The following CCDC171 variants were observed in gnomAD, a reference collection of about 807,000 sequenced individuals.
CCDC171 encodes the protein coiled-coil domain-containing protein 171.
Under a neutral mutation model 168.2 loss-of-function variants are expected in CCDC171, and 177 were observed. The ratio of observed to expected loss-of-function variants is 1.05; its 90% CI spans 0.93 to 1.19. The LOEUF is 1.19. Ranked by LOEUF, CCDC171 falls within the 50% of genes most tolerant of loss-of-function variation. The pLI, the probability that CCDC171 is intolerant of heterozygous loss-of-function variation, is 0.00. For missense variants in CCDC171, 1,991 were observed against 1,539.0 expected, an observed-to-expected ratio of 1.29 and a Z score of -4.91; for synonymous variants, 687 against 540.8, an observed-to-expected ratio of 1.27 and a Z score of -3.75.
At chr9:15,854,998 T>A (rs75451196) in intron 23 of CCDC171, among the ~76,000 whole-genome samples, 3,376 of 151,818 alleles carry the variant, frequency 0.022, 149 homozygotes, top group African/African-American at 0.078. Context: ...TATGCTCCAA[T>A]ATATGGTCTG....
chr9:15,740,279 C>T (rs1323173718), intron 16 of CCDC171, among the ~76,000 whole-genome samples: 1 of 152,078 alleles, frequency 6.6e-6, no homozygotes, highest in East Asian at 1.9e-4. Context: ...CCAGTTATTT[C>T]ACCACCATTT....
chr9:15,944,988 G>C (rs1043317391), intron 25 of CCDC171, among the ~76,000 whole-genome samples: 4 of 151,618 alleles, frequency 2.6e-5, no homozygotes, highest in Non-Finnish European at 4.4e-5. Flanking sequence ...CCACTAACTC[G>C]TCATCTAGCA....
intron 1 of CCDC171, among the ~76,000 whole-genome samples, chr9:16,052,576 A>G (rs1389531059): frequency 6.6e-6 from 1 of 152,168 alleles, no homozygotes; most frequent in East Asian, 1.9e-4. Context: ...TTCCAGCTTT[A>G]AAATAAAATT....
At chr9:15,561,307 A>G (rs561561935) in intron 1 of CCDC171, among the ~76,000 whole-genome samples, 1 of 152,296 alleles carries the variant, frequency 6.6e-6, no homozygotes, top group Admixed American at 6.5e-5. Context: ...ACTTTGTATC[A>G]TATAGTTTGT....
At chr9:15,892,491 A>T (rs1820352241) in intron 24 of CCDC171, among the ~76,000 whole-genome samples, 1 of 152,102 alleles carries the variant, frequency 6.6e-6, no homozygotes. Flanking sequence ...TGTTTAGTTT[A>T]TGTGATGAAT....
chr9:15,988,699 C>T (rs4442245), intron 3 of CCDC171, among the ~76,000 whole-genome samples: 75,022 of 151,870 alleles, frequency 0.49, 19,885 homozygotes, highest in African/African-American at 0.7. Context: ...CTGTGACAGA[C>T]GGCACATGGA....
rs556049423 is a variant in CCDC171 at position 15,817,179 on chromosome 9, C to T, written c.3268-29523C>T. ...AACAAATCAAAACCAAGAACCTTTG[C>T]CAGTGTGACAGATAAGAAAAGGTGT... On this transcript the variant is annotated intron_variant, in intron 21 of 25. Coordinates refer to ENST00000380701, the MANE Select transcript of CCDC171 (RefSeq NM_173550.4). 2.5e-5 allele frequency among the ~76,000 whole-genome samples: 3 copies of T among 117,928 alleles called. 1 individual carries two copies. In the South Asian group the frequency reaches 8.4e-4, roughly 33 times the overall value. The allele number at this position is 117,928 out of a possible 152,430, so 77.4% of individuals were successfully genotyped here. A position where few individuals can be genotyped will look rare whatever the true frequency, so the allele number is the denominator to read the frequency against.
intron 3 of CCDC171, among the ~76,000 whole-genome samples, chr9:15,997,234 A>G (rs1276277418): frequency 6.6e-6 from 1 of 152,136 alleles, no homozygotes; most frequent in African/African-American, 2.4e-5. Flanking sequence ...GTAAAGCCAA[A>G]CCAACATGGA....
chr9:15,656,177 G>A (rs1014890430), intron 7 of CCDC171, among the ~76,000 whole-genome samples: 1 of 152,026 alleles, frequency 6.6e-6, no homozygotes, highest in African/African-American at 2.4e-5. Context: ...AAATTAGCTG[G>A]GCGTGGTGGC....
chr9:16,008,345 A>G (rs899473144), intron 3 of CCDC171, among the ~76,000 whole-genome samples: 49 of 152,244 alleles, frequency 3.2e-4, no homozygotes, highest in Admixed American at 1.4e-3. Context: ...TCTTTCCCCC[A>G]TTGAATGGTT....
chr9:15,746,413 G>A (rs1588265601), intron 18 of CCDC171, among the ~76,000 whole-genome samples: 1 of 152,184 alleles, frequency 6.6e-6, no homozygotes, highest in East Asian at 1.9e-4. Flanking sequence ...GAAACTTAAA[G>A]ATTATTTTTA....
At chr9:15,592,507 C>T (rs1284413830) in intron 5 of CCDC171, among the ~76,000 whole-genome samples, 2 of 152,154 alleles carry the variant, frequency 1.3e-5, no homozygotes, top group Non-Finnish European at 2.9e-5. Flanking sequence ...CAGTCATTCC[C>T]AGATGTTGTC....
chr9:15,568,055 G>T (rs1398321840), intron 2 of CCDC171, among the ~76,000 whole-genome samples: 1 of 149,788 alleles, frequency 6.7e-6, no homozygotes, highest in Non-Finnish European at 1.5e-5. Flanking sequence ...GGATATAGAA[G>T]TATAATTGAT....
chr9:15,839,426 T>C (rs1397858417), intron 21 of CCDC171, among the ~76,000 whole-genome samples: 2 of 152,174 alleles, frequency 1.3e-5, no homozygotes, highest in Non-Finnish European at 2.9e-5. Context: ...AGGAAGGTTT[T>C]AGATTCAGAA....
chr9:15,571,296 A>T (rs180966885), intron 2 of CCDC171, among the ~76,000 whole-genome samples: 47 of 152,276 alleles, frequency 3.1e-4, no homozygotes, highest in African/African-American at 1.1e-3. Context: ...TGTATTATTT[A>T]CAAAGAAAAA....
At chr9:15,792,004 T>C (rs969922861) in intron 21 of CCDC171, among the ~76,000 whole-genome samples, 2 of 152,132 alleles carry the variant, frequency 1.3e-5, no homozygotes, top group African/African-American at 2.4e-5. Flanking sequence ...GAGAGAAGGC[T>C]TCAGATGATC....
At chr9:15,628,588 C>G (rs1028899817) in intron 7 of CCDC171, among the ~76,000 whole-genome samples, 1 of 152,198 alleles carries the variant, frequency 6.6e-6, no homozygotes, top group African/African-American at 2.4e-5. Flanking sequence ...GTAGGCTCCA[C>G]CTATGGGGGC....
intron 25 of CCDC171, among the ~76,000 whole-genome samples, chr9:15,957,598 A>G (rs1013774628): frequency 1.3e-5 from 2 of 152,222 alleles, no homozygotes; most frequent in East Asian, 1.9e-4. Context: ...CTGCCCAAGC[A>G]GATAGACATT....
intron 3 of CCDC171, among the ~76,000 whole-genome samples, chr9:15,979,531 T>G (rs1831727953): frequency 6.6e-6 from 1 of 152,160 alleles, no homozygotes; most frequent in Non-Finnish European, 1.5e-5. Context: ...ATTTTTTCTG[T>G]ATCTATTGAG....
Sources: gnomAD v4.1 joint callset for allele counts (sites outside exome capture counted in the v4.1 genomes callset) on GRCh38, gnomAD v4.1.1 for gene constraint, MANE v1.5 for transcripts, NCBI Gene and HGNC (gene_info 2026-07-23, HGNC 2026-07-21) for gene names.